Variants in NCKAP5 observed in about 807,000 individuals in gnomAD.
NCKAP5 encodes nck-associated protein 5.
Under a neutral mutation model 167.0 loss-of-function variants are expected in NCKAP5, and 92 were observed. The ratio of observed to expected loss-of-function variants is 0.55; its 90% confidence interval spans 0.47 to 0.66. NCKAP5 has a LOEUF of 0.66. Ranked by LOEUF, NCKAP5 falls within the 30% of genes least tolerant of loss-of-function variation. The pLI is 0.00. For missense variants in NCKAP5, 2,378 were observed against 2,315.0 expected (o/e 1.03, Z -0.56); for synonymous variants, 891 against 877.4 (o/e 1.02, Z -0.27).
chr2:133,482,433 G>T (rs1490397750), intron 3 of NCKAP5, among the ~76,000 whole-genome samples: 1 of 152,002 alleles, frequency 6.6e-6, no homozygotes, highest in African/African-American at 2.4e-5. Context: ...GCCCAAAGTG[G>T]TCTCAAACTC....
At chr2:132,984,109 T>C (rs2149276516) in intron 7 of NCKAP5, among the ~76,000 whole-genome samples, 1 of 152,172 alleles carries the variant, frequency 6.6e-6, no homozygotes, top group East Asian at 1.9e-4. Context: ...AAAAGAATCT[T>C]CTCCCTGTGC....
intron 16 of NCKAP5, among the ~76,000 whole-genome samples, chr2:132,750,344 T>C (rs1177545475): frequency 1.3e-5 from 2 of 152,316 alleles, no homozygotes; most frequent in South Asian, 2.1e-4. Flanking sequence ...GAATATGTGT[T>C]GGTATCATCA....
intron 5 of NCKAP5, among the ~76,000 whole-genome samples, chr2:133,197,634 C>T (rs768136803): frequency 1.9e-4 from 29 of 151,670 alleles, no homozygotes; most frequent in East Asian, 7.7e-4. Context: ...CTTTAAAGAA[C>T]GAAATATAAC....
rs554884262 is a variant in NCKAP5 at position 133,392,193 on chromosome 2, T to C, written c.70-89083A>G. Among the ~76,000 whole-genome samples, 6 of 152,346 alleles carry C rather than the reference T, an allele frequency of 3.9e-5. No individual in the cohort carries two copies. The East Asian group carries it at 9.6e-4, about 24-fold the overall frequency. On this transcript the variant is annotated intron_variant, in intron 3 of 19. Coordinates refer to ENST00000409261, the MANE Select transcript of NCKAP5 (RefSeq NM_207363.3). ...GTAGTCCCATAAGATTATAAAACCA[T>C]ACATGTACTGTATGTTTTTATGTTT... is the stretch of plus-strand genomic sequence containing the variant.
chr2:132,901,866 G>A (rs1267902151), intron 8 of NCKAP5, among the ~76,000 whole-genome samples: 1 of 152,210 alleles, frequency 6.6e-6, no homozygotes, highest in Non-Finnish European at 1.5e-5. Context: ...TACAGTACAT[G>A]TTTTCATCCC....
At chr2:133,361,995 A>C (rs1251841503) in intron 3 of NCKAP5, among the ~76,000 whole-genome samples, 3 of 149,246 alleles carry the variant, frequency 2.0e-5, no homozygotes, top group Non-Finnish European at 3.0e-5. Flanking sequence ...AGAGAAGCAT[A>C]AATCTGTTTA....
At chr2:133,037,510 C>T (rs1257440047) in intron 6 of NCKAP5, among the ~76,000 whole-genome samples, 1 of 152,072 alleles carries the variant, frequency 6.6e-6, no homozygotes, top group Non-Finnish European at 1.5e-5. Context: ...ACAGTGAACT[C>T]ATTTGTGACA....
intron 19 of NCKAP5, among the ~76,000 whole-genome samples, chr2:132,707,688 T>C (rs552603509): frequency 3.3e-5 from 5 of 152,302 alleles, no homozygotes; most frequent in Admixed American, 6.5e-5. Context: ...CTTCATGTTG[T>C]TTAAATGTCC....
intron 3 of NCKAP5, among the ~76,000 whole-genome samples, chr2:133,402,730 T>C (rs1688180848): frequency 6.6e-6 from 1 of 152,144 alleles, no homozygotes; most frequent in Non-Finnish European, 1.5e-5. Context: ...CTGCTCCCCC[T>C]TCACTTTCCA....
At chr2:132,802,942 C>A (rs1403081869) in intron 11 of NCKAP5, among the ~76,000 whole-genome samples, 5 of 152,174 alleles carry the variant, frequency 3.3e-5, no homozygotes, top group Non-Finnish European at 5.9e-5. Flanking sequence ...TCACATTTCA[C>A]AAGTTTCATT....
rs573476827 is a variant in NCKAP5 at position 133,042,083 on chromosome 2, T to G, written c.342-47844A>C. Among the ~76,000 whole-genome samples the G allele has an allele frequency of 2.0e-5, 3 of 152,282 alleles. No homozygotes were observed. The South Asian group carries it at 6.2e-4, about 32-fold the overall frequency. On this transcript the variant is annotated intron_variant, in intron 6 of 19. Transcript: ENST00000409261. The stretch of plus-strand genomic sequence containing the variant: ...TTTGATTAATCATCTGAGGATTAAA[T>G]ATCATCAATTTTTATTATGCATGGA...
In NCKAP5 at chr2:133,450,917, T is replaced by G. The variant is rs1273068341; in HGVS notation, c.69+66541A>C. ...CATATGCTAAAGCCCTAAAAGAATA[T>G]TTTACCAAAAATCAAGGCAGAGAAA... On this transcript the variant is annotated intron_variant, in intron 3 of 19. Coordinates refer to ENST00000409261, the MANE Select transcript of NCKAP5 (RefSeq NM_207363.3). Among the ~76,000 whole-genome samples the G allele has an allele frequency of 4.6e-5, 7 of 152,262 alleles. No individual in the cohort carries two copies. In the East Asian group the frequency reaches 1.4e-3, roughly 29 times the overall value.
At chr2:133,137,019 A>C (rs1265691478) in intron 5 of NCKAP5, among the ~76,000 whole-genome samples, 1 of 152,322 alleles carries the variant, frequency 6.6e-6, no homozygotes, top group East Asian at 1.9e-4. Flanking sequence ...GTCTTCATGA[A>C]AACTAGTTTT....
At chr2:132,751,486 T>C (rs1237030900) in intron 16 of NCKAP5, among the ~76,000 whole-genome samples, 1 of 152,162 alleles carries the variant, frequency 6.6e-6, no homozygotes, top group African/African-American at 2.4e-5. Context: ...GAGATACTTG[T>C]ATTCCATATG....
intron 5 of NCKAP5, among the ~76,000 whole-genome samples, chr2:133,184,000 A>G (rs1286264059): frequency 3.3e-5 from 5 of 152,038 alleles, no homozygotes; most frequent in African/African-American, 1.2e-4. Flanking sequence ...CAGAGTGTAC[A>G]CGTGCAGGGT....
intron 11 of NCKAP5, among the ~76,000 whole-genome samples, chr2:132,837,062 C>A (rs1286236991): frequency 2.0e-5 from 3 of 152,202 alleles, no homozygotes; most frequent in Admixed American, 2.0e-4. Context: ...GTAGGTTGAG[C>A]ATTTCATTCC....
chr2:133,406,460 G>C (rs1211881777), intron 3 of NCKAP5, among the ~76,000 whole-genome samples: 3 of 152,114 alleles, frequency 2.0e-5, no homozygotes, highest in African/African-American at 4.8e-5. Flanking sequence ...AGAGGGCAAA[G>C]GGAAGGGCTT....
intron 8 of NCKAP5, among the ~76,000 whole-genome samples, chr2:132,957,039 G>A (rs901604245): frequency 3.3e-5 from 5 of 152,122 alleles, no homozygotes; most frequent in South Asian, 2.1e-4. Context: ...CCACAAGGCC[G>A]AGTGTCATCT....
intron 4 of NCKAP5, among the ~76,000 whole-genome samples, chr2:133,234,813 G>C (rs1296643829): frequency 2.0e-5 from 3 of 151,548 alleles, no homozygotes; most frequent in Non-Finnish European, 4.4e-5. Flanking sequence ...TCAGAAAGAT[G>C]AAAAATGTTA....
Sources: allele counts gnomAD v4.1 joint callset (sites outside exome capture counted in the v4.1 genomes callset), GRCh38; gene constraint gnomAD v4.1.1; transcripts MANE v1.5; gene names NCBI Gene and HGNC (gene_info 2026-07-23, HGNC 2026-07-21).